RAB5A: variants seen among roughly 807,000 people sequenced by gnomAD.
RAB5A encodes RAB5A, member RAS oncogene family, also known as ras-related protein Rab-5A.
In RAB5A, 8 loss-of-function variants were observed where a neutral mutation model predicts 25.7. The ratio of observed to expected loss-of-function variants is 0.31; its 90% CI spans 0.18 to 0.56. The LOEUF is 0.56. Ranked by LOEUF, RAB5A falls within the 20% of genes least tolerant of loss-of-function variation. The pLI is 0.91. For synonymous variants in RAB5A, 98 were observed against 89.8 expected (o/e 1.09, Z -0.52); for missense variants, 192 against 259.7 (o/e 0.74, Z 1.79).
chr3:19,972,665 T>A (rs1420576747), intron 2 of RAB5A, among the ~76,000 whole-genome samples: 2 of 152,226 alleles, frequency 1.3e-5, no homozygotes, highest in African/African-American at 4.8e-5. Context: ...TTTTGTAATT[T>A]GTTTAAATAA....
intron 2 of RAB5A, among the ~76,000 whole-genome samples, chr3:19,962,463 G>A (rs910447452): frequency 6.6e-6 from 1 of 151,780 alleles, no homozygotes; most frequent in African/African-American, 2.4e-5. Flanking sequence ...AGTTACTCGG[G>A]AAGGCTGAGG....
At chr3:19,981,115 A>G (rs555013339) in intron 5 of RAB5A, among the ~76,000 whole-genome samples, 1 of 152,298 alleles carries the variant, frequency 6.6e-6, no homozygotes, top group East Asian at 1.9e-4. Flanking sequence ...ACTCTTAGTC[A>G]TCTTTAATAT....
intron 5 of RAB5A, among the ~76,000 whole-genome samples, chr3:19,980,949 G>A (rs1559493609): frequency 6.6e-6 from 1 of 152,214 alleles, no homozygotes; most frequent in East Asian, 1.9e-4. Context: ...AAGGATAAAA[G>A]GTTCACAATG....
At chr3:19,962,030 G>A (rs1297937784) in intron 2 of RAB5A, among the ~76,000 whole-genome samples, 2 of 152,080 alleles carry the variant, frequency 1.3e-5, no homozygotes, top group Admixed American at 6.6e-5. Flanking sequence ...AGTTCATTAC[G>A]GGGCAAGAAT....
chr3:19,964,538 G>A (rs1030976871), intron 2 of RAB5A, among the ~76,000 whole-genome samples: 7 of 152,188 alleles, frequency 4.6e-5, no homozygotes, highest in Admixed American at 1.3e-4. Context: ...AGCCCTGAAG[G>A]CGCCCATACT....
At chr3:19,958,756 A>T (rs1175854200) in intron 2 of RAB5A, among the ~76,000 whole-genome samples, 1 of 152,118 alleles carries the variant, frequency 6.6e-6, no homozygotes, top group Non-Finnish European at 1.5e-5. Flanking sequence ...AATTGCTTCA[A>T]CCTGGGAGGC....
intron 5 of RAB5A, among the ~76,000 whole-genome samples, chr3:19,979,744 T>A (rs1380904273): frequency 6.6e-6 from 1 of 152,132 alleles, no homozygotes; most frequent in Non-Finnish European, 1.5e-5. Context: ...GTGGTTTTAA[T>A]GTATAGATTC....
chr3:19,983,813 G>A lies in RAB5A; in HGVS notation c.638G>A (p.Cys213Tyr). The change falls in exon 6 of 6, where the codon TGT becomes TAT. Residue 213 changes from cysteine to tyrosine, a missense_variant. Physicochemically the swap from Cys to Tyr is radical, Grantham distance 194. Transcript: ENST00000273047. ...EPTQPTRNQC[C>Y]SN ...ACACAACCAACCAGGAATCAGTGTT[G>A]TAGTAACTAAACCTCTAGTTTGAAC... 1 of 1,597,192 alleles carries A rather than the reference G, an allele frequency of 6.3e-7. No homozygotes were observed. Among genetic ancestry groups the A allele is most frequent in the Non-Finnish European group, 8.6e-7 (1 of 1,165,752 alleles).
chr3:19,973,558 A>G (rs927595722), intron 2 of RAB5A, among the ~76,000 whole-genome samples: 1 of 152,176 alleles, frequency 6.6e-6, no homozygotes, highest in African/African-American at 2.4e-5. Context: ...GTGACCTTCA[A>G]AAAGTGACAT....
chr3:19,970,510 G>A (rs983926707), intron 2 of RAB5A: 8 of 456,564 alleles, frequency 1.8e-5, no homozygotes, highest in Middle Eastern at 3.3e-4. Flanking sequence ...ACATCTCAAC[G>A]CAGCTTTGTT....
At chr3:19,968,884 C>G (rs1407628959) in intron 2 of RAB5A, among the ~76,000 whole-genome samples, 1 of 152,180 alleles carries the variant, frequency 6.6e-6, no homozygotes, top group East Asian at 1.9e-4. Context: ...CTCACACTAT[C>G]TTTTGGAATT....
chr3:19,951,048 G>A lies in RAB5A; in HGVS notation c.150G>A (p.Glu50=), dbSNP rs762827236. 1 of 1,613,536 alleles carries A rather than the reference G, an allele frequency of 6.2e-7. No homozygotes were observed. Among genetic ancestry groups the A allele is most frequent in the Admixed American group, 1.7e-5 (1 of 59,826 alleles). ...FVKGQFHEFQ[E]STIGAAFLTQ... ...AAGGCCAATTTCATGAATTTCAAGA[G>A]AGTACCATTGGGGGTGAGATTTTCT... The change falls in exon 2 of 6, where the codon GAG becomes GAA. Residue 50 remains glutamate (E), a synonymous_variant. Coordinates refer to ENST00000273047, the MANE Select transcript of RAB5A (RefSeq NM_004162.5).
intron 2 of RAB5A, among the ~76,000 whole-genome samples, chr3:19,958,198 C>T (rs1263120369): frequency 2.0e-5 from 3 of 152,150 alleles, no homozygotes; most frequent in Non-Finnish European, 2.9e-5. Context: ...CTTTCTGATA[C>T]ATTGATAGTT....
chr3:19,948,874 A>G (rs1321179754), intron 1 of RAB5A, among the ~76,000 whole-genome samples: 2 of 152,064 alleles, frequency 1.3e-5, no homozygotes, highest in African/African-American at 2.4e-5. Context: ...AAATGTTTTG[A>G]TTGTGTGTAA....
intron 2 of RAB5A, 145 bp downstream of exon 2, chr3:19,951,206 C>A: frequency 1.1e-6 from 1 of 873,670 alleles, no homozygotes; most frequent in Non-Finnish European, 1.7e-6. Context: ...AGCTTTAAAA[C>A]TTGCCTTTAT....
In RAB5A at chr3:19,947,316, G is replaced by C. The variant is rs1394463119; in HGVS notation, c.-299G>C. 4 of 194,818 alleles carry C rather than the reference G, an allele frequency of 2.1e-5. No individual in the cohort carries two copies. Among genetic ancestry groups the C allele is most frequent in the Non-Finnish European group, 4.0e-5 (4 of 98,960 alleles). 12.1% of individuals were successfully genotyped at this position (194,818 alleles called of 1,614,324 possible). ...AGGAGAAAGGAAAGAGGAAGGGGGAGCGGCGAGAGGCGGAGACGGAGCCCG... is the reference window on the plus strand; with the variant it reads ...AGGAGAAAGGAAAGAGGAAGGGGGACCGGCGAGAGGCGGAGACGGAGCCCG... On this transcript the variant is annotated 5_prime_UTR_variant, in exon 1 of 6. Coordinates refer to ENST00000273047, the MANE Select transcript of RAB5A (RefSeq NM_004162.5).
intron 2 of RAB5A, among the ~76,000 whole-genome samples, chr3:19,965,077 A>G (rs1344111988): frequency 1.3e-5 from 2 of 151,882 alleles, no homozygotes; most frequent in Admixed American, 6.6e-5. Flanking sequence ...GCATGCCACC[A>G]TGCCCGACTA....
At chr3:19,947,744 T>A (rs1696344856) in intron 1 of RAB5A, 1 of 152,330 alleles carries the variant, frequency 6.6e-6, no homozygotes, top group Non-Finnish European at 1.5e-5. Context: ...GGGGACTGAC[T>A]GAGGGAGCGA....
chr3:19,983,974 G>A lies in RAB5A; in HGVS notation c.*151G>A. 1.6e-6 allele frequency: 1 copy of A among 610,136 alleles called. No individual in the cohort carries two copies. The allele number at this position is 610,136 out of a possible 1,614,324, so 37.8% of individuals were successfully genotyped here. On this transcript the variant is annotated 3_prime_UTR_variant, in exon 6 of 6. Transcript: ENST00000273047. The stretch of plus-strand genomic sequence containing the variant: ...AATACAGAATTATTTTAAGTGTTTT[G>A]AACTTAATTTTTAATAACATGCATG...
Sources: allele counts gnomAD v4.1 joint callset (sites outside exome capture counted in the v4.1 genomes callset), GRCh38; gene constraint gnomAD v4.1.1; transcripts MANE v1.5; gene names NCBI Gene and HGNC (gene_info 2026-07-23, HGNC 2026-07-21).